The following GALNT2 variants were observed in gnomAD, a reference collection of about 807,000 sequenced individuals.
GALNT2 encodes UDP-GalNAc:polypeptide N-acetylgalactosaminyltransferase 2.
In GALNT2, 31 loss-of-function variants were observed where a neutral mutation model predicts 81.4. The ratio of observed to expected loss-of-function variants is 0.38; its 90% CI spans 0.29 to 0.51. GALNT2 has a LOEUF of 0.51. GALNT2 is among the 20% of genes least tolerant of loss of function. The pLI, the probability that GALNT2 is intolerant of heterozygous loss-of-function variation, is 0.87. For synonymous variants in GALNT2, 303 were observed against 287.4 expected (o/e 1.05, Z -0.55); for missense variants, 629 against 765.7 (o/e 0.82, Z 2.11).
intron 13 of GALNT2, chr1:230,264,986 A>C: frequency 2.9e-6 from 1 of 348,024 alleles, no homozygotes; most frequent in Non-Finnish European, 5.2e-6. Context: ...AAAAAAAAAA[A>C]AAAAAAATGA....
chr1:230,173,252 G>T (rs547325858), intron 1 of GALNT2, among the ~76,000 whole-genome samples: 1 of 152,274 alleles, frequency 6.6e-6, no homozygotes, highest in Admixed American at 6.5e-5. Flanking sequence ...GCGTGTGGAT[G>T]CATCCAATAC....
intron 1 of GALNT2, among the ~76,000 whole-genome samples, chr1:230,103,876 T>G (rs1041095895): frequency 6.6e-6 from 1 of 152,154 alleles, no homozygotes; most frequent in Non-Finnish European, 1.5e-5. Context: ...CCTAGTCATT[T>G]ACTCCGTGAG....
intron 6 of GALNT2, among the ~76,000 whole-genome samples, chr1:230,239,377 C>T (rs1045318171): frequency 1.2e-4 from 18 of 152,226 alleles, no homozygotes; most frequent in African/African-American, 3.6e-4. Context: ...CATCTGCAGC[C>T]GAGGAGCAGG....
intron 1 of GALNT2, among the ~76,000 whole-genome samples, chr1:230,083,093 G>T (rs574839467): frequency 6.7e-6 from 1 of 149,636 alleles, no homozygotes; most frequent in African/African-American, 2.5e-5. Context: ...CAGGGAAGCC[G>T]GGATGATGGA....
At chr1:230,229,519 G>A (rs1194301055) in intron 3 of GALNT2, among the ~76,000 whole-genome samples, 1 of 152,184 alleles carries the variant, frequency 6.6e-6, no homozygotes, top group African/African-American at 2.4e-5. Context: ...GATTAAGTTG[G>A]CTATGTCAGG....
chr1:230,185,306 G>GCGCGCGCA (rs1558129504), intron 2 of GALNT2, among the ~76,000 whole-genome samples: 1 of 77,208 alleles, frequency 1.3e-5, no homozygotes, highest in East Asian at 3.3e-4. Context: ...GTGTGTGCGC[G>GCGCGCGCA]CGTGTGTGTG....
chr1:230,246,298 G>A (rs146264408), intron 8 of GALNT2, 148 bp downstream of exon 8: 7 of 651,564 alleles, frequency 1.1e-5, no homozygotes, highest in African/African-American at 9.1e-5. Context: ...TGTGCTTAAC[G>A]AGTAGGACTT....
intron 1 of GALNT2, among the ~76,000 whole-genome samples, chr1:230,173,399 C>T (rs1329213255): frequency 6.6e-6 from 1 of 152,200 alleles, no homozygotes; most frequent in Non-Finnish European, 1.5e-5. Context: ...CTGCTGAGCC[C>T]TCCCTTGTCT....
In GALNT2 at chr1:230,279,916, C is replaced by T. The variant is rs1332832633; in HGVS notation, c.*458C>T. The T allele has an allele frequency of 6.6e-6, 3 of 457,000 alleles. No individual in the cohort carries two copies. Among genetic ancestry groups the T allele is most frequent in the Non-Finnish European group, 1.3e-5 (3 of 227,574 alleles). 28.3% of individuals were successfully genotyped at this position (457,000 alleles called of 1,614,324 possible). On this transcript the variant is annotated 3_prime_UTR_variant, in exon 16 of 16. Transcript: ENST00000366672. This position sits in a 1 kb window ranked among gnomAD's most constrained non-coding sequence, Gnocchi z 4.6. ...GAAATCACGTATGGTTTCCACAAAGCCGAGTCGTGTCACGTGGCAGGTTTA... is the reference window on the plus strand; with the variant it reads ...GAAATCACGTATGGTTTCCACAAAGTCGAGTCGTGTCACGTGGCAGGTTTA...
At chr1:230,148,208 C>T (rs1661982445) in intron 1 of GALNT2, among the ~76,000 whole-genome samples, 1 of 152,194 alleles carries the variant, frequency 6.6e-6, no homozygotes, top group Non-Finnish European at 1.5e-5. Context: ...AAGGGCTGCC[C>T]ACCGGCACAA....
intron 1 of GALNT2, among the ~76,000 whole-genome samples, chr1:230,168,075 G>T (rs1572042070): frequency 1.3e-5 from 2 of 152,008 alleles, no homozygotes; most frequent in African/African-American, 4.8e-5. Flanking sequence ...AGAACAAGAA[G>T]TGAGCTGCAG....
chr1:230,062,436 C>T (rs1659070898), upstream of GALNT2, among the ~76,000 whole-genome samples: 1 of 152,192 alleles, frequency 6.6e-6, no homozygotes, highest in Admixed American at 6.5e-5. Context: ...CCATTAAGTA[C>T]ATTTACCATC....
intron 3 of GALNT2, among the ~76,000 whole-genome samples, chr1:230,232,878 CT>C (rs112294962): frequency 0.014 from 2,089 of 152,208 alleles, 53 homozygotes; most frequent in African/African-American, 0.048. Context: ...TTCCTGCCTG[CT>C]TTTTTCCCCC....
At chr1:230,108,751 C>T (rs1660613544) in intron 1 of GALNT2, among the ~76,000 whole-genome samples, 1 of 152,236 alleles carries the variant, frequency 6.6e-6, no homozygotes, top group Admixed American at 6.5e-5. Context: ...CAGCACCGCA[C>T]ACTGTAGGGT....
intron 1 of GALNT2, among the ~76,000 whole-genome samples, chr1:230,134,563 C>T (rs1661477400): frequency 6.6e-6 from 1 of 152,234 alleles, no homozygotes; most frequent in South Asian, 2.1e-4. Flanking sequence ...AACCTCCCCT[C>T]ATTCTGGGTT....
intron 6 of GALNT2, among the ~76,000 whole-genome samples, chr1:230,237,773 C>T (rs1430472810): frequency 1.3e-5 from 2 of 152,112 alleles, no homozygotes; most frequent in South Asian, 4.2e-4. Flanking sequence ...CCCTAAACAC[C>T]TTCAAAATAA....
intron 1 of GALNT2, among the ~76,000 whole-genome samples, chr1:230,114,099 G>C (rs1445292698): frequency 6.6e-6 from 1 of 152,136 alleles, no homozygotes; most frequent in African/African-American, 2.4e-5. Context: ...TCAGTTCGGA[G>C]CTGGCTTCTG....
At chr1:230,182,485 C>T (rs190882584) in intron 2 of GALNT2, among the ~76,000 whole-genome samples, 1 of 152,258 alleles carries the variant, frequency 6.6e-6, no homozygotes, top group Admixed American at 6.5e-5. Flanking sequence ...TCTTCTTTGA[C>T]CCCTGTGTCA....
intron 15 of GALNT2, among the ~76,000 whole-genome samples, chr1:230,277,354 G>T (rs1666329228): frequency 6.6e-6 from 1 of 152,132 alleles, no homozygotes; most frequent in South Asian, 2.1e-4. Context: ...TTTTTCTAAG[G>T]TTCTTGATTT....
Sources: gnomAD v4.1 joint callset for allele counts (sites outside exome capture counted in the v4.1 genomes callset) on GRCh38, gnomAD v4.1.1 for gene constraint, Gnocchi (gnomAD v3.1) non-coding constraint, MANE v1.5 for transcripts, NCBI Gene and HGNC (gene_info 2026-07-23, HGNC 2026-07-21) for gene names.